CNBD1: variants seen among roughly 807,000 people sequenced by gnomAD.
The protein encoded by CNBD1 is cyclic nucleotide binding domain containing 1.
CNBD1 carries 71 observed loss-of-function variants against 54.4 expected under a neutral mutation model. The observed-to-expected ratio is 1.30, with a 90% CI of 1.08 to 1.59. The LOEUF is 1.59. CNBD1 is among the 40% of genes most tolerant of loss of function. The pLI is 0.00. For missense variants in CNBD1, 659 were observed against 518.0 expected (o/e 1.27, Z -2.64); for synonymous variants, 182 against 170.7 (o/e 1.07, Z -0.51).
At chr8:87,029,059 A>G (rs1485930361) in intron 4 of CNBD1, among the ~76,000 whole-genome samples, 2 of 152,196 alleles carry the variant, frequency 1.3e-5, no homozygotes, top group Non-Finnish European at 2.9e-5. Flanking sequence ...TTAAACTTAT[A>G]TTTATTCTAA....
At chr8:87,317,209 T>TA (rs1446350561) in intron 8 of CNBD1, among the ~76,000 whole-genome samples, 4 of 151,746 alleles carry the variant, frequency 2.6e-5, no homozygotes, top group African/African-American at 9.7e-5. Context: ...TCTCCTTTTT[T>TA]ATTATTTAAA....
chr8:87,068,087 T>C (rs1204766446), intron 4 of CNBD1, among the ~76,000 whole-genome samples: 3 of 152,062 alleles, frequency 2.0e-5, no homozygotes, highest in African/African-American at 4.8e-5. Context: ...ATCTGTTCTT[T>C]CAGTATTTAA....
At chr8:87,047,313 T>C (rs1279899439) in intron 4 of CNBD1, among the ~76,000 whole-genome samples, 1 of 152,150 alleles carries the variant, frequency 6.6e-6, no homozygotes, top group Non-Finnish European at 1.5e-5. Context: ...CCTGACAAGT[T>C]CTTGATGGTT....
At chr8:87,046,581 C>G (rs975486283) in intron 4 of CNBD1, among the ~76,000 whole-genome samples, 2 of 152,096 alleles carry the variant, frequency 1.3e-5, no homozygotes, top group African/African-American at 4.8e-5. Flanking sequence ...AAAGCCCTGT[C>G]CCTTGAAGGG....
At chr8:87,348,395 G>A (rs1270455012) in intron 8 of CNBD1, among the ~76,000 whole-genome samples, 1 of 152,134 alleles carries the variant, frequency 6.6e-6, no homozygotes, top group Non-Finnish European at 1.5e-5. Context: ...TTCTAACCAA[G>A]TTATTTCTTA....
intron 4 of CNBD1, among the ~76,000 whole-genome samples, chr8:87,001,624 A>G (rs1808995189): frequency 6.6e-6 from 1 of 152,198 alleles, no homozygotes; most frequent in Non-Finnish European, 1.5e-5. Context: ...TATTTAATTA[A>G]TTCAATCATT....
intron 8 of CNBD1, among the ~76,000 whole-genome samples, chr8:87,308,645 G>T (rs1222158436): frequency 6.6e-6 from 1 of 152,094 alleles, no homozygotes; most frequent in Middle Eastern, 3.4e-3. Context: ...GTATATTGTT[G>T]TTAACTATAG....
At chr8:87,369,682 A>T (rs1447973912) in intron 10 of CNBD1, among the ~76,000 whole-genome samples, 1 of 151,562 alleles carries the variant, frequency 6.6e-6, no homozygotes, top group Non-Finnish European at 1.5e-5. Context: ...AGTACCATTG[A>T]GTATCATTTG....
At chr8:87,343,347 G>C (rs1251904701) in intron 8 of CNBD1, among the ~76,000 whole-genome samples, 2 of 152,146 alleles carry the variant, frequency 1.3e-5, no homozygotes, top group South Asian at 4.1e-4. Flanking sequence ...GTCCTGAGGT[G>C]ACATACATCC....
chr8:86,968,120 T>G (rs78013957), intron 4 of CNBD1, among the ~76,000 whole-genome samples: 1 of 152,174 alleles, frequency 6.6e-6, no homozygotes, highest in Non-Finnish European at 1.5e-5. Context: ...CCTGGTGGAT[T>G]TGGCTCGTCT....
intron 4 of CNBD1, among the ~76,000 whole-genome samples, chr8:87,068,497 T>C (rs1810699649): frequency 6.6e-6 from 1 of 151,996 alleles, no homozygotes; most frequent in Admixed American, 6.6e-5. Context: ...GTCACCAGTA[T>C]GTCAATGTTT....
intron 10 of CNBD1, among the ~76,000 whole-genome samples, chr8:87,380,673 G>A (rs1380009042): frequency 6.6e-6 from 1 of 151,776 alleles, no homozygotes; most frequent in East Asian, 1.9e-4. Flanking sequence ...TCATTTGTTT[G>A]TGTTCTTTAA....
At chr8:87,157,644 G>C (rs1812773694) in intron 4 of CNBD1, among the ~76,000 whole-genome samples, 1 of 152,114 alleles carries the variant, frequency 6.6e-6, no homozygotes, top group Non-Finnish European at 1.5e-5. Context: ...CCTATACACA[G>C]GGGCTTTGCC....
intron 10 of CNBD1, among the ~76,000 whole-genome samples, chr8:87,367,710 C>T (rs147528032): frequency 6.6e-6 from 1 of 152,014 alleles, no homozygotes; most frequent in Non-Finnish European, 1.5e-5. Context: ...TTTAATAGCC[C>T]TATTTTGTGG....
intron 4 of CNBD1, among the ~76,000 whole-genome samples, chr8:86,995,597 T>C (rs1193047255): frequency 1.3e-5 from 2 of 152,072 alleles, no homozygotes; most frequent in Non-Finnish European, 2.9e-5. Flanking sequence ...ATATACCAGA[T>C]AGAGCAAAGC....
chr8:87,169,524 T>C (rs1594518), intron 4 of CNBD1, among the ~76,000 whole-genome samples: 35,897 of 151,914 alleles, frequency 0.24, 4,242 homozygotes, highest in South Asian at 0.27. Flanking sequence ...TTTCTTGTAG[T>C]AGTTTCATAG....
At chr8:87,240,594 T>C (rs1012895359) in intron 6 of CNBD1, among the ~76,000 whole-genome samples, 2 of 152,192 alleles carry the variant, frequency 1.3e-5, no homozygotes, top group African/African-American at 2.4e-5. Context: ...TATTGTGCCA[T>C]AGAATCCAGC....
At chr8:87,409,883 TGTG>T (rs1289473015) in intron 2 of CNBD1, among the ~76,000 whole-genome samples, 1 of 151,654 alleles carries the variant, frequency 6.6e-6, no homozygotes, top group Non-Finnish European at 1.5e-5. Context: ...ATTAGCCTGG[TGTG>T]GTGGTGTGTA....
At chr8:87,420,762 C>T (rs1341870642) in intron 2 of CNBD1, among the ~76,000 whole-genome samples, 1 of 149,418 alleles carries the variant, frequency 6.7e-6, no homozygotes, top group Non-Finnish European at 1.5e-5. Flanking sequence ...AAATTGTTTG[C>T]TTGATTTTCT....
Sources: gnomAD v4.1 joint callset for allele counts (sites outside exome capture counted in the v4.1 genomes callset) on GRCh38, gnomAD v4.1.1 for gene constraint, MANE v1.5 for transcripts, NCBI Gene and HGNC (gene_info 2026-07-23, HGNC 2026-07-21) for gene names.